POLD1: variants seen among roughly 807,000 people sequenced by gnomAD.
POLD1 encodes the protein DNA polymerase delta catalytic subunit.
Under a neutral mutation model 129.7 loss-of-function variants are expected in POLD1, and 79 were observed. The observed-to-expected ratio is 0.61, with a 90% CI of 0.51 to 0.73. The LOEUF is 0.73. POLD1 is among the 30% of genes least tolerant of loss of function. POLD1 has a pLI of 0.00. For synonymous variants in POLD1, 714 were observed against 683.3 expected (o/e 1.04, Z -0.70); for missense variants, 1,338 against 1,595.8 (o/e 0.84, Z 2.75).
intron 1 of POLD1, among the ~76,000 whole-genome samples, chr19:50,388,059 C>T (rs756486764): frequency 2.0e-5 from 3 of 152,180 alleles, no homozygotes; most frequent in Non-Finnish European, 4.4e-5. Context: ...TCAGAGAAAG[C>T]AGCCAGACAC....
At chr19:50,412,780 G>T (rs901773623) in intron 17 of POLD1, among the ~76,000 whole-genome samples, 1 of 151,488 alleles carries the variant, frequency 6.6e-6, no homozygotes, top group Non-Finnish European at 1.5e-5. Context: ...GTGTGTGTGT[G>T]TGTATTTTTA....
chr19:50,417,976 G>A lies in POLD1; in HGVS notation c.*29G>A, dbSNP rs767945344. The stretch of plus-strand genomic sequence containing the variant: ...TGCAAGCATCCCATGGGGCGGGGGC[G>A]GGACCAGGGAGAATTAATAAAGTTC... On this transcript the variant is annotated 3_prime_UTR_variant, in exon 27 of 27. Transcript: ENST00000440232. 3.8e-5 allele frequency: 51 copies of A among 1,329,604 alleles called. No homozygotes were observed. The highest frequency in any genetic ancestry group is 4.9e-5 in the South Asian group (4 of 82,402). The allele number at this position is 1,329,604 out of a possible 1,614,324, so 82.4% of individuals were successfully genotyped here. A position where few individuals can be genotyped will look rare whatever the true frequency, so the allele number is the denominator to read the frequency against.
In POLD1 at chr19:50,402,237, C is replaced by T. The variant is rs2038674221; in HGVS notation, c.622C>T (p.Pro208Ser). The T allele has an allele frequency of 6.3e-7, 1 of 1,592,776 alleles. No individual in the cohort carries two copies. ...TGGGTACCACGGGCACGGCCCCTCC[C>T]CGTTCCTGCGCATCACCGTGGCGCT... ...MFGYHGHGPS[P>S]FLRITVALPR... The change falls in exon 6 of 27, where the codon CCG becomes TCG. Residue 208 changes from proline (P) to serine (S), a missense_variant. Coordinates refer to ENST00000440232, the MANE Select transcript of POLD1 (RefSeq NM_002691.4).
In POLD1 at chr19:50,396,969, C is replaced by T. The variant is rs185520983; in HGVS notation, c.-1-1882C>T. On this transcript the variant is annotated intron_variant, in intron 1 of 26. Coordinates refer to ENST00000440232, the MANE Select transcript of POLD1 (RefSeq NM_002691.4). The stretch of plus-strand genomic sequence containing the variant: ...AATTAGCCAGGCATGGTGGTGGGCA[C>T]CTGTGATCCCAGCTACTCAGGAGGC... Among the ~76,000 whole-genome samples the T allele has an allele frequency of 7.1e-3, 1,065 of 150,968 alleles. 8 individuals are homozygous for T. The highest frequency in any genetic ancestry group is 0.025 in the African/African-American group (1,019 of 41,098).
intron 2 of POLD1, 93 bp downstream of exon 2, chr19:50,399,146 C>T (rs2038487452): frequency 6.5e-7 from 1 of 1,528,876 alleles, no homozygotes; most frequent in South Asian, 1.2e-5. Flanking sequence ...GACCTGTGAC[C>T]CCACTCTGGC....
chr19:50,416,802 A>G (rs754415372), intron 24 of POLD1, 79 bp downstream of exon 24: 6 of 1,161,404 alleles, frequency 5.2e-6, no homozygotes, highest in Non-Finnish European at 7.3e-6. Flanking sequence ...CACCCACCCC[A>G]TCGGCTGGCA....
chr19:50,386,382 C>T (rs888257638), intron 1 of POLD1, among the ~76,000 whole-genome samples: 1 of 152,112 alleles, frequency 6.6e-6, no homozygotes, highest in African/African-American at 2.4e-5. Flanking sequence ...AAGTAATCCT[C>T]CCACCTCGGC....
intron 17 of POLD1, among the ~76,000 whole-genome samples, chr19:50,411,830 A>G (rs1163302775): frequency 1.4e-5 from 2 of 142,628 alleles, no homozygotes; most frequent in East Asian, 4.0e-4. Context: ...ACAGAGCAAA[A>G]CTCCGTCTCA....
intron 1 of POLD1, among the ~76,000 whole-genome samples, chr19:50,394,558 G>A (rs931530322): frequency 2.1e-4 from 32 of 152,222 alleles, no homozygotes; most frequent in African/African-American, 7.2e-4. Flanking sequence ...GGGAGGCTGA[G>A]GCAGGAGAAT....
At chr19:50,413,628 C>G (rs2039168811) in intron 18 of POLD1, 107 bp downstream of exon 18, 7 of 1,534,084 alleles carry the variant, frequency 4.6e-6, no homozygotes, top group Non-Finnish European at 6.2e-6. Flanking sequence ...ACCCTGCCCA[C>G]TCTCCTGTTG....
At chr19:50,385,092 A>C (rs1442069136) in intron 1 of POLD1, among the ~76,000 whole-genome samples, 1 of 152,228 alleles carries the variant, frequency 6.6e-6, no homozygotes, top group East Asian at 1.9e-4. Context: ...TTCTAGGTTC[A>C]GCGGGGAGCC....
intron 3 of POLD1, 37 bp from the exon 4 acceptor site, chr19:50,401,741 A>G (rs894191658): frequency 1.2e-6 from 2 of 1,607,626 alleles, no homozygotes; most frequent in Non-Finnish European, 1.7e-6. Flanking sequence ...GAGGACCCTG[A>G]GAGGCATGGC....
At chr19:50,397,049 C>G (rs561298290) in intron 1 of POLD1, among the ~76,000 whole-genome samples, 18 of 145,416 alleles carry the variant, frequency 1.2e-4, no homozygotes, top group African/African-American at 3.9e-4. Flanking sequence ...CAAGATCGCA[C>G]CACTGCACTC....
rs766492491 is a variant in POLD1 at position 50,415,418 on chromosome 19, T to G, written c.2565-20T>G. The G allele has an allele frequency of 1.2e-6, 2 of 1,603,698 alleles. No homozygotes were observed. The highest frequency in any genetic ancestry group is 2.2e-5 in the South Asian group (2 of 90,770). On this transcript the variant is annotated intron_variant, in intron 20 of 26. Coordinates refer to ENST00000440232, the MANE Select transcript of POLD1 (RefSeq NM_002691.4). ...CCCTCAGTGCCTTTTGGTGACGCTG[T>G]GCGGCCCGCTCTCCTACAGAGACCC...
chr19:50,413,444 C>T lies in POLD1; in HGVS notation c.2173C>T (p.Arg725Cys), dbSNP rs878854532. 3.1e-6 allele frequency: 5 copies of T among 1,613,064 alleles called. No individual in the cohort carries two copies. Among genetic ancestry groups the T allele is most frequent in the Non-Finnish European group, 4.2e-6 (5 of 1,179,524 alleles). The change falls in exon 18 of 27, where the codon CGT becomes TGT. Residue 725 changes from arginine (R) to cysteine (C), a missense_variant. This residue lies in a region of POLD1 where 720 missense variants were observed against 1,002.6 expected (regional missense o/e 0.72). Transcript: ENST00000440232. ...EISQSVTGFG[R>C]QMIEKTKQLV... is the part of the protein sequence containing the mutation. ...CCGACAGAGCGTCACGGGGTTCGGA[C>T]GTCAGATGATCGAGAAAACCAAGCA...
chr19:50,403,581 G>A lies in POLD1; in HGVS notation c.1226G>A (p.Arg409Gln), dbSNP rs749611798. Residue 409 changes from arginine (R) to glutamine (Q), a missense_variant, in exon 10 of 27, where the codon CGG becomes CAG. Physicochemically the swap from Arg to Gln is conservative, Grantham distance 43. Transcript: ENST00000440232. Reference sequence around the variant, plus strand: ...TTCGACCTTCCGTACCTCATCTCTCGGGCCCAGACCCTCAAGGTGAGGGCT... The same window carrying A: ...TTCGACCTTCCGTACCTCATCTCTCAGGCCCAGACCCTCAAGGTGAGGGCT... ...QNFDLPYLIS[R>Q]AQTLKVQTFP... The A allele has an allele frequency of 8.7e-6, 14 of 1,612,192 alleles. No homozygotes were observed. Among genetic ancestry groups the A allele is most frequent in the East Asian group, 2.2e-5 (1 of 44,870 alleles).
At chr19:50,405,606 CA>C (rs376541873) in intron 10 of POLD1, among the ~76,000 whole-genome samples, 143 of 152,222 alleles carry the variant, frequency 9.4e-4, no homozygotes, top group African/African-American at 3.2e-3. Flanking sequence ...AAATACAGAA[CA>C]AACTCTTAGG....
At position 50,416,385 on chromosome 19, in the gene POLD1, T is replaced by C. The variant is rs573263198; in HGVS notation, c.2821-11T>C. The C allele has an allele frequency of 1.6e-5, 25 of 1,548,350 alleles. No homozygotes were observed. In the African/African-American group the frequency reaches 2.2e-4, roughly 14 times the overall value. ...CCTGGCTGCCCGGGTGTGACTGCCA[T>C]GTGGCCGCAGGACCCGCTGTTCGTG... On this transcript the variant is annotated splice_polypyrimidine_tract_variant and intron_variant, in intron 22 of 26. Coordinates refer to ENST00000440232, the MANE Select transcript of POLD1 (RefSeq NM_002691.4).
intron 1 of POLD1, among the ~76,000 whole-genome samples, chr19:50,398,553 AG>A (rs2038453293): frequency 7.6e-6 from 1 of 130,878 alleles, no homozygotes; most frequent in Non-Finnish European, 1.6e-5. Flanking sequence ...CTGGGTGACA[AG>A]AGCACAATTC....
Sources: gnomAD v4.1 joint callset for allele counts (sites outside exome capture counted in the v4.1 genomes callset) on GRCh38, gnomAD v4.1.1 for gene constraint, gnomAD v4.1.1 regional missense constraint, MANE v1.5 for transcripts, NCBI Gene and HGNC (gene_info 2026-07-23, HGNC 2026-07-21) for gene names.